Variants in CTNNA2 observed in about 807,000 individuals in gnomAD.
CTNNA2 encodes the protein catenin alpha-2.
In CTNNA2, 42 loss-of-function variants were observed where a neutral mutation model predicts 101.0. The ratio of observed to expected loss-of-function variants is 0.42; its 90% confidence interval spans 0.32 to 0.54. The LOEUF (loss-of-function observed/expected upper bound fraction) is 0.54. Among genes scored for constraint, CTNNA2 ranks in the 20% least tolerant of loss-of-function variants. The probability of loss-of-function intolerance (pLI) is 0.14; values close to 1 mark genes in which losing one functional copy is unlikely to be tolerated. For missense variants in CTNNA2, 871 were observed against 1,223.1 expected (o/e 0.71, Z 4.29); for synonymous variants, 450 against 456.4 (o/e 0.99, Z 0.18).
At chr2:79,652,772 C>T (rs1017832860) in intron 2 of CTNNA2, among the ~76,000 whole-genome samples, 1 of 152,092 alleles carries the variant, frequency 6.6e-6, no homozygotes, top group Admixed American at 6.6e-5. Context: ...TGCCCTCTGG[C>T]TCCCCAAAGA....
chr2:79,188,279 G>T (rs941260320), intron 1 of CTNNA2, among the ~76,000 whole-genome samples: 2 of 151,582 alleles, frequency 1.3e-5, no homozygotes, highest in African/African-American at 2.4e-5. Context: ...TGAAGTTTTT[G>T]TTGCTGGGCT....
At chr2:79,436,720 C>G (rs991474780) in intron 4 of CTNNA2, among the ~76,000 whole-genome samples, 4 of 152,180 alleles carry the variant, frequency 2.6e-5, no homozygotes, top group Admixed American at 2.0e-4. Flanking sequence ...CAAGCTTCCC[C>G]TCCTGGGTTC....
At chr2:79,315,894 T>C (rs921727725) in intron 3 of CTNNA2, among the ~76,000 whole-genome samples, 5 of 152,132 alleles carry the variant, frequency 3.3e-5, no homozygotes, top group Admixed American at 6.6e-5. Flanking sequence ...AGGATTCTAA[T>C]ATCTCTATAT....
intron 7 of CTNNA2, among the ~76,000 whole-genome samples, chr2:80,246,592 A>G (rs1477146302): frequency 6.6e-6 from 1 of 152,206 alleles, no homozygotes; most frequent in African/African-American, 2.4e-5. Context: ...GCTCTTAGGA[A>G]GCCAAAACCA....
intron 4 of CTNNA2, among the ~76,000 whole-genome samples, chr2:79,388,405 G>A (rs148964073): frequency 6.8e-4 from 103 of 152,200 alleles, no homozygotes; most frequent in African/African-American, 2.2e-3. Context: ...CATTCCAACC[G>A]CAAGAAACCA....
intron 7 of CTNNA2, among the ~76,000 whole-genome samples, chr2:80,127,260 C>A (rs1702190431): frequency 6.6e-6 from 1 of 152,082 alleles, no homozygotes; most frequent in South Asian, 2.1e-4. Flanking sequence ...ATAGGACCTG[C>A]AAACAATAGA....
intron 7 of CTNNA2, among the ~76,000 whole-genome samples, chr2:80,096,446 G>A (rs372418757): frequency 6.6e-6 from 1 of 152,102 alleles, no homozygotes; most frequent in African/African-American, 2.4e-5. Flanking sequence ...TTTTGGAATA[G>A]GTGCGGTGTG....
At position 79,284,727 on chromosome 2, in the gene CTNNA2, T is replaced by C. The variant is rs575597670; in HGVS notation, c.-405-27982T>C. On this transcript the variant is annotated intron_variant, in intron 2 of 21. Transcript: ENST00000466387. ...GATATTGGTCTAAAATTCTCTTTTT[T>C]GGTTGTGTCTCTGCCTGGCCTTGGT... Among the ~76,000 whole-genome samples, 33 of 151,154 alleles carry C rather than the reference T, an allele frequency of 2.2e-4. No individual in the cohort carries two copies. The East Asian group carries it at 5.9e-3, about 27-fold the overall frequency.
At chr2:79,379,923 C>A (rs1278337370) in intron 4 of CTNNA2, among the ~76,000 whole-genome samples, 2 of 152,138 alleles carry the variant, frequency 1.3e-5, no homozygotes, top group Non-Finnish European at 2.9e-5. Context: ...TCATAATGTA[C>A]ACAATGTTAT....
chr2:80,420,655 G>A (rs1680444999), intron 9 of CTNNA2, among the ~76,000 whole-genome samples: 1 of 152,094 alleles, frequency 6.6e-6, no homozygotes, highest in South Asian at 2.1e-4. Context: ...GTGGGTGATG[G>A]GGGTGGTGTT....
chr2:80,485,740 A>T (rs921354580), intron 9 of CTNNA2, among the ~76,000 whole-genome samples: 41 of 152,210 alleles, frequency 2.7e-4, no homozygotes, highest in African/African-American at 9.2e-4. Context: ...AATAACAACA[A>T]CAGAATCACA....
chr2:80,569,578 T>C (rs965204941), intron 12 of CTNNA2, among the ~76,000 whole-genome samples: 2 of 151,270 alleles, frequency 1.3e-5, no homozygotes, highest in African/African-American at 2.4e-5. Flanking sequence ...AGCAGCATCA[T>C]ATTTGAGGAA....
chr2:79,825,543 G>C (rs1295689496), intron 3 of CTNNA2, among the ~76,000 whole-genome samples: 1 of 152,098 alleles, frequency 6.6e-6, no homozygotes, highest in African/African-American at 2.4e-5. Context: ...ACTAAAAGGG[G>C]GAAGACAAGG....
chr2:79,342,136 T>C (rs1200260378), intron 3 of CTNNA2, among the ~76,000 whole-genome samples: 1 of 152,150 alleles, frequency 6.6e-6, no homozygotes, highest in Non-Finnish European at 1.5e-5. Context: ...CTTTACCCAA[T>C]ATATAGCATA....
intron 3 of CTNNA2, among the ~76,000 whole-genome samples, chr2:79,804,762 T>C (rs1671579538): frequency 6.6e-6 from 1 of 152,222 alleles, no homozygotes. Flanking sequence ...TTGAGAAATA[T>C]CTTCTTTGAT....
intron 2 of CTNNA2, among the ~76,000 whole-genome samples, chr2:79,213,425 G>A (rs1259990852): frequency 7.2e-5 from 11 of 152,184 alleles, no homozygotes; most frequent in African/African-American, 1.7e-4. Context: ...AAATATTGAC[G>A]TTTAGTCCTT....
intron 3 of CTNNA2, among the ~76,000 whole-genome samples, chr2:79,844,987 C>T (rs1042115830): frequency 4.6e-5 from 7 of 151,284 alleles, no homozygotes; most frequent in Non-Finnish European, 8.8e-5. Context: ...ACTACACACA[C>T]ACACACACAC....
chr2:79,264,870 G>T (rs966995656), intron 2 of CTNNA2, among the ~76,000 whole-genome samples: 1 of 152,078 alleles, frequency 6.6e-6, no homozygotes, highest in Admixed American at 6.6e-5. Context: ...AAGCTAAGGA[G>T]AGGAAGTCCT....
At chr2:80,176,548 G>C (rs995657759) in intron 7 of CTNNA2, among the ~76,000 whole-genome samples, 8 of 152,200 alleles carry the variant, frequency 5.3e-5, no homozygotes, top group African/African-American at 7.2e-5. Flanking sequence ...CTCCTCAGCA[G>C]GTCGTGGTTT....
Sources: allele counts gnomAD v4.1 joint callset (sites outside exome capture counted in the v4.1 genomes callset), GRCh38; gene constraint gnomAD v4.1.1; transcripts MANE v1.5; gene names NCBI Gene and HGNC (gene_info 2026-07-23, HGNC 2026-07-21).